NELL2: variants seen among roughly 807,000 people sequenced by gnomAD.
NELL2 encodes protein kinase C-binding protein NELL2.
A neutral mutation model predicts 109.6 loss-of-function variants in NELL2; 41 were observed. The ratio of observed to expected loss-of-function variants is 0.37; its 90% CI spans 0.29 to 0.49. NELL2 has a LOEUF of 0.49. Among genes scored for constraint, NELL2 ranks in the 20% least tolerant of loss-of-function variants. The pLI, the probability that NELL2 is intolerant of heterozygous loss-of-function variation, is 0.98. For missense variants in NELL2, 900 were observed against 1,008.3 expected, an observed-to-expected ratio of 0.89 and a Z score of 1.45; for synonymous variants, 355 against 344.7, an observed-to-expected ratio of 1.03 and a Z score of -0.33.
At chr12:44,869,615 T>A (rs966547796) in intron 2 of NELL2, among the ~76,000 whole-genome samples, 1 of 152,182 alleles carries the variant, frequency 6.6e-6, no homozygotes, top group Non-Finnish European at 1.5e-5. Flanking sequence ...GGCTCCTCCA[T>A]AGATATTTCT....
At chr12:44,729,017 G>A (rs1307233438) in intron 9 of NELL2, among the ~76,000 whole-genome samples, 1 of 151,938 alleles carries the variant, frequency 6.6e-6, no homozygotes, top group East Asian at 1.9e-4. Context: ...ATACCAGACA[G>A]CAACACGAAA....
chr12:44,836,032 G>C (rs1016680462), intron 2 of NELL2, among the ~76,000 whole-genome samples: 2 of 152,184 alleles, frequency 1.3e-5, no homozygotes, highest in South Asian at 2.1e-4. Flanking sequence ...AAGGGAGAGG[G>C]GGGTGGAAGG....
chr12:44,841,176 G>A (rs1440938346), intron 2 of NELL2, among the ~76,000 whole-genome samples: 1 of 152,154 alleles, frequency 6.6e-6, no homozygotes, highest in Non-Finnish European at 1.5e-5. Flanking sequence ...AAATTGGCAG[G>A]CTATGTAGTA....
At chr12:44,721,769 TA>T (rs144914804) in intron 9 of NELL2, among the ~76,000 whole-genome samples, 2 of 151,960 alleles carry the variant, frequency 1.3e-5, no homozygotes, top group South Asian at 2.1e-4. Flanking sequence ...AGATTACAAG[TA>T]AAAAAACATT....
intron 9 of NELL2, among the ~76,000 whole-genome samples, chr12:44,759,445 C>T (rs912894863): frequency 6.6e-6 from 1 of 152,106 alleles, no homozygotes; most frequent in Non-Finnish European, 1.5e-5. Context: ...AGCTAACATG[C>T]TAGTTGAAAG....
intron 13 of NELL2, among the ~76,000 whole-genome samples, chr12:44,638,580 A>T (rs558858032): frequency 6.6e-6 from 1 of 152,312 alleles, no homozygotes; most frequent in East Asian, 1.9e-4. Flanking sequence ...GAACAAAATG[A>T]GAAGAGAAAT....
intron 16 of NELL2, among the ~76,000 whole-genome samples, chr12:44,531,326 A>G (rs1434698833): frequency 6.6e-6 from 1 of 152,108 alleles, no homozygotes; most frequent in Non-Finnish European, 1.5e-5. Context: ...TAAAATACAA[A>G]CAAAGTAGCT....
chr12:44,859,994 T>G (rs979998434), intron 2 of NELL2, among the ~76,000 whole-genome samples: 1 of 152,210 alleles, frequency 6.6e-6, no homozygotes, highest in Admixed American at 6.5e-5. Context: ...TTCAAAATAT[T>G]AATGCTTTCT....
chr12:44,675,622 C>A (rs369978110), intron 12 of NELL2, among the ~76,000 whole-genome samples: 1 of 151,826 alleles, frequency 6.6e-6, no homozygotes, highest in African/African-American at 2.4e-5. Flanking sequence ...TCATCTAACC[C>A]CAGTAATTTA....
At chr12:44,819,217 C>CA (rs1474341176) in intron 2 of NELL2, among the ~76,000 whole-genome samples, 1 of 151,894 alleles carries the variant, frequency 6.6e-6, no homozygotes, top group Non-Finnish European at 1.5e-5. Flanking sequence ...GGGAAACTAT[C>CA]AAAAAAATTG....
chr12:44,892,812 A>G (rs1217394746), intron 1 of NELL2, among the ~76,000 whole-genome samples: 2 of 151,296 alleles, frequency 1.3e-5, no homozygotes, highest in Non-Finnish European at 3.0e-5. Flanking sequence ...AAAAAAAAAA[A>G]AAAAAAAGAA....
intron 15 of NELL2, among the ~76,000 whole-genome samples, chr12:44,546,316 G>T (rs978870531): frequency 6.6e-6 from 1 of 152,020 alleles, no homozygotes; most frequent in African/African-American, 2.4e-5. Context: ...ATTCACTGAT[G>T]GATGGCTTCT....
chr12:44,805,481 A>G lies in NELL2; in HGVS notation c.335+10505T>C, dbSNP rs1211269038. ...GGTGACATTACAAATCAGTGAGAAA[A>G]CAGTGAGCTGTTGAAAAAATTGCAC... On this transcript the variant is annotated intron_variant, in intron 3 of 19. Coordinates refer to ENST00000429094, the MANE Select transcript of NELL2 (RefSeq NM_001145108.2). 7.2e-5 allele frequency among the ~76,000 whole-genome samples: 11 copies of G among 151,916 alleles called. No individual in the cohort carries two copies. The East Asian group carries it at 2.1e-3, about 29-fold the overall frequency.
upstream of NELL2, among the ~76,000 whole-genome samples, chr12:44,879,150 C>A (rs1945383576): frequency 6.6e-6 from 1 of 151,954 alleles, no homozygotes; most frequent in Non-Finnish European, 1.5e-5. Flanking sequence ...GGCTATGAGA[C>A]AAGGAATATG....
chr12:44,559,514 T>C (rs1293079858), intron 15 of NELL2, among the ~76,000 whole-genome samples: 1 of 151,806 alleles, frequency 6.6e-6, no homozygotes, highest in Non-Finnish European at 1.5e-5. Flanking sequence ...GCTAAAAACA[T>C]CAGGGGTTGC....
intron 12 of NELL2, among the ~76,000 whole-genome samples, chr12:44,681,407 A>T (rs1013457930): frequency 3.1e-4 from 46 of 147,844 alleles, no homozygotes; most frequent in Middle Eastern, 7.2e-3. Context: ...TATTTATTTT[A>T]TTTTATTTTA....
At chr12:44,868,878 G>C (rs1476991642) in intron 2 of NELL2, among the ~76,000 whole-genome samples, 1 of 152,076 alleles carries the variant, frequency 6.6e-6, no homozygotes, top group African/African-American at 2.4e-5. Flanking sequence ...TAGATTTTAA[G>C]TGTTCTCACC....
intron 12 of NELL2, among the ~76,000 whole-genome samples, chr12:44,700,547 G>A (rs551823824): frequency 6.6e-6 from 1 of 152,138 alleles, no homozygotes; most frequent in African/African-American, 2.4e-5. Context: ...CCTTAGATAT[G>A]CTGATTTACC....
rs892484569 is a variant in NELL2 at position 44,764,935 on chromosome 12, T to C, written c.994+9812A>G. Among the ~76,000 whole-genome samples, 12 of 152,162 alleles carry C rather than the reference T, an allele frequency of 7.9e-5. No homozygotes were observed. In the South Asian group the frequency reaches 1.9e-3, roughly 24 times the overall value. ...AGCTAAGTCCTTGCTAATTGAAGCATGTTCCATGAACCAGCAGTGTTTGCC... is the reference window on the plus strand; with the variant it reads ...AGCTAAGTCCTTGCTAATTGAAGCACGTTCCATGAACCAGCAGTGTTTGCC... On this transcript the variant is annotated intron_variant, in intron 9 of 19. Transcript: ENST00000429094.
Sources: allele counts gnomAD v4.1 joint callset (sites outside exome capture counted in the v4.1 genomes callset), GRCh38; gene constraint gnomAD v4.1.1; transcripts MANE v1.5; gene names NCBI Gene and HGNC (gene_info 2026-07-23, HGNC 2026-07-21).